MTHFD1L: variants seen among roughly 807,000 people sequenced by gnomAD.
MTHFD1L encodes the protein methylenetetrahydrofolate dehydrogenase (NADP+ dependent) 1 like, also known as monofunctional C1-tetrahydrofolate synthase, mitochondrial.
MTHFD1L carries 81 observed loss-of-function variants against 119.5 expected under a neutral mutation model. The observed-to-expected ratio is 0.68, with a 90% CI of 0.57 to 0.82. MTHFD1L has a LOEUF of 0.82. MTHFD1L is among the 40% of genes least tolerant of loss of function. The pLI is 0.00. For synonymous variants in MTHFD1L, 430 were observed against 475.2 expected (o/e 0.90, Z 1.24); for missense variants, 1,125 against 1,253.4 (o/e 0.90, Z 1.55).
At chr6:151,087,396 A>G (rs1004492207) in intron 26 of MTHFD1L, among the ~76,000 whole-genome samples, 2 of 152,182 alleles carry the variant, frequency 1.3e-5, no homozygotes, top group Admixed American at 6.5e-5. Context: ...AAGGAAAGAA[A>G]TATGTAGAAG....
chr6:151,092,690 T>A (rs1463469429), intron 27 of MTHFD1L, 103 bp downstream of exon 27: 2 of 662,234 alleles, frequency 3.0e-6, no homozygotes, highest in Admixed American at 3.1e-5. Context: ...ATCTGATAAA[T>A]CCTTTCCTTC....
At position 151,014,908 on chromosome 6, in the gene MTHFD1L, G is replaced by A. The variant is rs1266864608; in HGVS notation, c.2336G>A (p.Cys779Tyr). 1.2e-6 allele frequency: 2 copies of A among 1,614,104 alleles called. No homozygotes were observed. Among genetic ancestry groups the A allele is most frequent in the South Asian group, 1.1e-5 (1 of 91,072 alleles). Residue 779 changes from cysteine (C) to tyrosine (Y), a missense_variant, in exon 23 of 28, where the codon TGT becomes TAT. Physicochemically the swap from Cys to Tyr is radical, Grantham distance 194. This residue lies in a region of MTHFD1L where 1,058 missense variants were observed against 1,151.2 expected (regional missense o/e 0.92). Transcript: ENST00000367321. The stretch of plus-strand genomic sequence containing the variant: ...ATCCAGCTGGTGGCAGACGGCTGCT[G>A]TAACCTCCAGAAGCAAATTCAGATC... ...ENIQLVADGCCNLQKQIQITQ... is the reference protein window; with the variant it reads ...ENIQLVADGCYNLQKQIQITQ...
At chr6:150,956,250 CT>C (rs1795626888) in intron 17 of MTHFD1L, among the ~76,000 whole-genome samples, 179 bp downstream of exon 17, 1 of 152,160 alleles carries the variant, frequency 6.6e-6, no homozygotes, top group Non-Finnish European at 1.5e-5. Flanking sequence ...GCTCCAGTGT[CT>C]TTTTACCATC....
intron 4 of MTHFD1L, 136 bp downstream of exon 4, chr6:150,877,962 T>TG: frequency 1.0e-6 from 1 of 992,706 alleles, no homozygotes; most frequent in South Asian, 1.4e-5. Flanking sequence ...AGACTTCACT[T>TG]CTTTTCTCTA....
intron 20 of MTHFD1L, among the ~76,000 whole-genome samples, chr6:150,974,564 C>T (rs1056849628): frequency 6.6e-6 from 1 of 151,984 alleles, no homozygotes; most frequent in Non-Finnish European, 1.5e-5. Context: ...TCTCCAGCCC[C>T]TGGCAGTGCC....
chr6:150,967,296 C>T (rs991294940), intron 19 of MTHFD1L, among the ~76,000 whole-genome samples: 2 of 152,188 alleles, frequency 1.3e-5, no homozygotes, highest in African/African-American at 4.8e-5. Flanking sequence ...GACACAGCTG[C>T]CCTTGTCTTC....
intron 7 of MTHFD1L, among the ~76,000 whole-genome samples, chr6:150,888,311 C>T (rs1173254657): frequency 2.0e-5 from 3 of 152,178 alleles, no homozygotes; most frequent in Non-Finnish European, 4.4e-5. Flanking sequence ...GGAAAATTAA[C>T]AGGCCAGTTT....
chr6:150,881,538 A>G (rs1469488885), intron 4 of MTHFD1L, among the ~76,000 whole-genome samples: 1 of 152,172 alleles, frequency 6.6e-6, no homozygotes, highest in Non-Finnish European at 1.5e-5. Context: ...AATGCTTGGT[A>G]CAGGTGGCAA....
intron 26 of MTHFD1L, among the ~76,000 whole-genome samples, chr6:151,042,971 G>A (rs892060765): frequency 6.6e-6 from 1 of 152,212 alleles, no homozygotes; most frequent in African/African-American, 2.4e-5. Context: ...CACGCAGCCT[G>A]TGGGAGCGGG....
rs373031185 is a variant in MTHFD1L at position 151,096,728 on chromosome 6, G to C, written c.*31+4141G>C. ...AGCAGCACACTCATTATTCCCCCAG[G>C]AAAGTGTTGAAGGCGCGTTCCACTC... On this transcript the variant is annotated intron_variant, in intron 27 of 27. Coordinates refer to ENST00000367321, the MANE Select transcript of MTHFD1L (RefSeq NM_015440.5). 7.5e-4 allele frequency among the ~76,000 whole-genome samples: 114 copies of C among 152,318 alleles called. 1 individual carries two copies. The highest frequency in any genetic ancestry group is 2.5e-3 in the African/African-American group (104 of 41,568).
chr6:151,092,316 A>C, intron 26 of MTHFD1L, 151 bp from the exon 27 acceptor site: 1 of 544,360 alleles, frequency 1.8e-6, no homozygotes, highest in Non-Finnish European at 3.2e-6. Flanking sequence ...CAAAAATTGA[A>C]ATATCAGATG....
In MTHFD1L at chr6:150,926,403, C is replaced by A; in HGVS notation, c.1256+108C>A. On this transcript the variant is annotated intron_variant, in intron 11 of 27. Transcript: ENST00000367321. This position sits in a 1 kb window ranked among gnomAD's most constrained non-coding sequence, Gnocchi z 4.3. Reference sequence around the variant, plus strand: ...CAATCCATCCTATTCTCACATTTGACATTTCGTCCATTTCATTTGGCATTT... The same window carrying A: ...CAATCCATCCTATTCTCACATTTGAAATTTCGTCCATTTCATTTGGCATTT... 1 of 1,019,432 alleles carries A rather than the reference C, an allele frequency of 9.8e-7. No homozygotes were observed. Among genetic ancestry groups the A allele is most frequent in the South Asian group, 1.9e-5 (1 of 53,116 alleles). The allele number at this position is 1,019,432 out of a possible 1,614,324, so 63.1% of individuals were successfully genotyped here.
At chr6:150,969,552 G>C (rs984471458) in intron 19 of MTHFD1L, among the ~76,000 whole-genome samples, 4 of 149,706 alleles carry the variant, frequency 2.7e-5, no homozygotes, top group Non-Finnish European at 5.9e-5. Context: ...TTCATATACA[G>C]GACTGGGCTT....
chr6:150,993,364 A>G (rs1238210454), intron 20 of MTHFD1L, among the ~76,000 whole-genome samples: 1 of 152,058 alleles, frequency 6.6e-6, no homozygotes, highest in African/African-American at 2.4e-5. Flanking sequence ...CCTGTTGTCC[A>G]GGCTGGAGTG....
chr6:151,019,088 C>A (rs1448497245), intron 24 of MTHFD1L, among the ~76,000 whole-genome samples: 2 of 152,206 alleles, frequency 1.3e-5, no homozygotes, highest in African/African-American at 4.8e-5. Flanking sequence ...GCCAAGGAGA[C>A]CCTGGGTTCC....
chr6:150,967,819 C>T (rs1797442814), intron 19 of MTHFD1L, among the ~76,000 whole-genome samples: 1 of 152,284 alleles, frequency 6.6e-6, no homozygotes, highest in East Asian at 1.9e-4. Flanking sequence ...TCTGCTGCTA[C>T]TCTTTTCTTC....
intron 12 of MTHFD1L, 65 bp from the exon 13 acceptor site, chr6:150,938,634 C>G (rs6933598): frequency 0.28 from 431,702 of 1,550,708 alleles, 66,617 homozygotes; most frequent in African/African-American, 0.6. Flanking sequence ...TGTCCCTTGG[C>G]CTGTGTCCAT....
In MTHFD1L at chr6:151,068,953, C is replaced by T. The variant is rs533363530; in HGVS notation, c.2848-23514C>T. ...TGATCATGGGATCCCGCTTTGATTC[C>T]TTTTCTGTAGACTAGTGCCAGTTTG... On this transcript the variant is annotated intron_variant, in intron 26 of 27. Coordinates refer to ENST00000367321, the MANE Select transcript of MTHFD1L (RefSeq NM_015440.5). 2.6e-5 allele frequency among the ~76,000 whole-genome samples: 4 copies of T among 152,158 alleles called. No homozygotes were observed. In the South Asian group the frequency reaches 8.3e-4, roughly 32 times the overall value.
At chr6:151,066,995 A>ATTTTTT (rs36035374) in intron 26 of MTHFD1L, among the ~76,000 whole-genome samples, 5 of 138,582 alleles carry the variant, frequency 3.6e-5, no homozygotes, top group Admixed American at 2.2e-4. Context: ...TATCAATTTG[A>ATTTTTT]TTTTTTTTTT....
Sources: allele counts gnomAD v4.1 joint callset (sites outside exome capture counted in the v4.1 genomes callset), GRCh38; gene constraint gnomAD v4.1.1; regional missense constraint gnomAD v4.1.1; non-coding constraint Gnocchi (gnomAD v3.1); transcripts MANE v1.5; gene names NCBI Gene and HGNC (gene_info 2026-07-23, HGNC 2026-07-21).